Variants in ENO4 observed in about 807,000 individuals in gnomAD.
The protein encoded by ENO4 is enolase 4.
A neutral mutation model predicts 63.2 loss-of-function variants in ENO4; 53 were observed. That is an observed-to-expected ratio of 0.84 (90% CI 0.67 to 1.05). The LOEUF (loss-of-function observed/expected upper bound fraction) is 1.05, where lower values mean the gene tolerates loss of function less well. Among genes scored for constraint, ENO4 ranks in the 50% least tolerant of loss-of-function variants. The probability of loss-of-function intolerance (pLI) is 0.00; values close to 1 mark genes in which losing one functional copy is unlikely to be tolerated. For missense variants in ENO4, 719 were observed against 772.0 expected, an observed-to-expected ratio of 0.93 and a Z score of 0.81; for synonymous variants, 266 against 283.8, an observed-to-expected ratio of 0.94 and a Z score of 0.63.
rs1259952284 is a variant in ENO4 at position 116,849,529 on chromosome 10, C to G, written c.-38C>G. The stretch of plus-strand genomic sequence containing the variant: ...GCGACAGCAGGGACGCTCGTGGGAC[C>G]CCAGGCTAAACCCCGCTGTAGCCTT... On this transcript the variant is annotated 5_prime_UTR_variant, in exon 1 of 14. Coordinates refer to ENST00000341276, the MANE Select transcript of ENO4 (RefSeq NM_001242699.2). The G allele has an allele frequency of 1.2e-5, 17 of 1,472,740 alleles. No homozygotes were observed. The highest frequency in any genetic ancestry group is 1.5e-5 in the Non-Finnish European group (17 of 1,108,112). The allele number at this position is 1,472,740 out of a possible 1,614,324, so 91.2% of individuals were successfully genotyped here.
chr10:116,872,322 T>C (rs1270231993), intron 9 of ENO4, among the ~76,000 whole-genome samples: 1 of 152,188 alleles, frequency 6.6e-6, no homozygotes, highest in Non-Finnish European at 1.5e-5. Flanking sequence ...CACATGTACT[T>C]CCTGATATGG....
Position 116,880,743 on chromosome 10 carries a change from TGTA to T in ENO4, c.1723+762_1723+764del, listed in dbSNP as rs1266707372. ...AAAAGTTAGTCTGTATTGTTTAGTG[TGTA>T]GTAGAAGGGCTAGTTTTTTCAAATA... On this transcript the variant is annotated intron_variant, in intron 13 of 13. Transcript: ENST00000341276. Among the ~76,000 whole-genome samples, 4 of 152,208 alleles carry T rather than the reference TGTA, an allele frequency of 2.6e-5. No individual in the cohort carries two copies. In the East Asian group the frequency reaches 5.8e-4, roughly 22 times the overall value.
At chr10:116,906,091 C>T (rs1847958898) in intron 10 of ENO4, among the ~76,000 whole-genome samples, 1 of 152,262 alleles carries the variant, frequency 6.6e-6, no homozygotes, top group African/African-American at 2.4e-5. Context: ...TGTGTAATTT[C>T]TACTGCAACT....
chr10:116,911,595 GCA>G, exon 11 of ENO4: 1 of 1,551,114 alleles, frequency 6.4e-7, no homozygotes, highest in South Asian at 1.2e-5. Context: ...AACAAAAACA[GCA>G]CAGTGTTATT....
chr10:116,886,734 T>C (rs1469162595), downstream of ENO4, among the ~76,000 whole-genome samples: 2 of 152,054 alleles, frequency 1.3e-5, no homozygotes, highest in Non-Finnish European at 1.5e-5. Context: ...AATGAAGCTA[T>C]CAGATTACAC....
At chr10:116,903,645 T>C (rs938797648) in intron 10 of ENO4, among the ~76,000 whole-genome samples, 1 of 152,072 alleles carries the variant, frequency 6.6e-6, no homozygotes, top group South Asian at 2.1e-4. Context: ...TTCCTGAAAA[T>C]ATAAATACGA....
rs1044511593 is a variant in ENO4, at chr10:116,874,060, T to G, written c.1216-16T>G. 6.6e-7 allele frequency: 1 copy of G among 1,525,646 alleles called. No homozygotes were observed. Among genetic ancestry groups the G allele is most frequent in the Admixed American group, 2.0e-5 (1 of 49,992 alleles). 94.5% of individuals were successfully genotyped at this position (1,525,646 alleles called of 1,614,324 possible). ...TTATTTATCCCTTATTTTAATATTT[T>G]CCTGACACATATCAGAATAAAGGAA... On this transcript the variant is annotated splice_polypyrimidine_tract_variant and intron_variant, in intron 9 of 13. Transcript: ENST00000341276.
chr10:116,895,086 C>T (rs1847470089), intron 10 of ENO4, among the ~76,000 whole-genome samples: 1 of 152,104 alleles, frequency 6.6e-6, no homozygotes, highest in Non-Finnish European at 1.5e-5. Context: ...AAAGTGGATA[C>T]AATAATAAAA....
chr10:116,870,525 C>T (rs753073296), intron 8 of ENO4, among the ~76,000 whole-genome samples: 2 of 152,250 alleles, frequency 1.3e-5, no homozygotes, highest in Non-Finnish European at 2.9e-5. Context: ...CCTGTAGTCT[C>T]AGCTCCTCAG....
chr10:116,902,979 G>A (rs569059996), intron 10 of ENO4, among the ~76,000 whole-genome samples: 71 of 152,256 alleles, frequency 4.7e-4, no homozygotes, highest in African/African-American at 1.7e-3. Flanking sequence ...TAATGTGCCT[G>A]ATATACTCAG....
intron 12 of ENO4, 89 bp from the exon 13 acceptor site, chr10:116,879,778 CTG>C (rs1345077740): frequency 1.0e-6 from 1 of 985,994 alleles, no homozygotes; most frequent in Non-Finnish European, 1.5e-6. Flanking sequence ...AAACAGCACA[CTG>C]TGACAGTTTC....
chr10:116,876,010 GT>G (rs1846823613), intron 10 of ENO4, 54 bp from the exon 11 acceptor site: 6 of 1,314,060 alleles, frequency 4.6e-6, no homozygotes, highest in Non-Finnish European at 2.0e-6. Context: ...TATTCCTGTT[GT>G]TTTGTAATTA....
chr10:116,900,857 A>AG, intron 10 of ENO4: 1 of 985,388 alleles, frequency 1.0e-6, no homozygotes, highest in Non-Finnish European at 1.2e-6. Context: ...ATTCCAGAAG[A>AG]GAAAAAAAAG....
rs1287360401 is a variant in ENO4 at position 116,901,247 on chromosome 10, T to C, written c.1195-10252T>C. 3.6e-5 allele frequency: 35 copies of C among 985,276 alleles called. No individual in the cohort carries two copies. In the East Asian group the frequency reaches 3.3e-3, roughly 93 times the overall value. 61.0% of individuals were successfully genotyped at this position (985,276 alleles called of 1,614,324 possible). A position where few individuals can be genotyped will look rare whatever the true frequency, so the allele number is the denominator to read the frequency against. On this transcript the variant is annotated intron_variant, in intron 10 of 10. Transcript: ENST00000369207. ...AATAGCAGGATTAACTCTTTGACAATCAAAGTGCCACTCTGAAGCAAGTCT... is the reference window on the plus strand; with the variant it reads ...AATAGCAGGATTAACTCTTTGACAACCAAAGTGCCACTCTGAAGCAAGTCT...
intron 10 of ENO4, among the ~76,000 whole-genome samples, chr10:116,888,270 A>G (rs774556474): frequency 5.3e-5 from 8 of 152,206 alleles, no homozygotes; most frequent in Non-Finnish European, 8.8e-5. Flanking sequence ...TGCTTTGGGA[A>G]TCAGAATGGG....
At chr10:116,901,331 C>T (rs1847726527) in intron 10 of ENO4, 1 of 984,944 alleles carries the variant, frequency 1.0e-6, no homozygotes, top group South Asian at 4.7e-5. Flanking sequence ...ATATTAGGCA[C>T]ATCTTTAACT....
At chr10:116,852,192 C>T (rs1033464911) in intron 1 of ENO4, among the ~76,000 whole-genome samples, 3 of 152,166 alleles carry the variant, frequency 2.0e-5, no homozygotes, top group Non-Finnish European at 4.4e-5. Flanking sequence ...TTGCTTCTCC[C>T]TCCACCATGA....
chr10:116,861,049 C>T lies in ENO4; in HGVS notation c.805-10C>T. Reference sequence around the variant, plus strand: ...GTTTCTCATTTTCCCTCGTTTTCCCCCTATTTCAGGAACAGCCAACAACGC... The same window carrying T: ...GTTTCTCATTTTCCCTCGTTTTCCCTCTATTTCAGGAACAGCCAACAACGC... On this transcript the variant is annotated splice_polypyrimidine_tract_variant and intron_variant, in intron 5 of 13. Coordinates refer to ENST00000341276, the MANE Select transcript of ENO4 (RefSeq NM_001242699.2). The T allele has an allele frequency of 6.5e-6, 10 of 1,547,518 alleles. No homozygotes were observed. The highest frequency in any genetic ancestry group is 7.0e-6 in the Non-Finnish European group (8 of 1,145,536).
intron 10 of ENO4, among the ~76,000 whole-genome samples, chr10:116,888,130 AATAATC>A (rs897590301): frequency 1.3e-5 from 2 of 152,194 alleles, no homozygotes; most frequent in African/African-American, 4.8e-5. Context: ...TAAAAACAAA[AATAATC>A]AGGAGCCTGG....
Sources: allele counts gnomAD v4.1 joint callset (sites outside exome capture counted in the v4.1 genomes callset), GRCh38; gene constraint gnomAD v4.1.1; transcripts MANE v1.5; gene names NCBI Gene and HGNC (gene_info 2026-07-23, HGNC 2026-07-21).